JMY: variants seen among roughly 807,000 people sequenced by gnomAD.
JMY encodes the protein junction mediating and regulatory protein, p53 cofactor.
A neutral mutation model predicts 103.3 loss-of-function variants in JMY; 46 were observed. The ratio of observed to expected loss-of-function variants is 0.45; its 90% CI spans 0.35 to 0.57. The LOEUF (loss-of-function observed/expected upper bound fraction) is 0.57. Ranked by LOEUF, JMY falls within the 20% of genes least tolerant of loss-of-function variation. The probability of loss-of-function intolerance (pLI) is 0.00; values close to 1 mark genes in which losing one functional copy is unlikely to be tolerated. For synonymous variants in JMY, 526 were observed against 489.3 expected (o/e 1.07, Z -0.99); for missense variants, 1,238 against 1,255.2 (o/e 0.99, Z 0.21).
intron 1 of JMY, among the ~76,000 whole-genome samples, chr5:79,246,922 C>T (rs1744923098): frequency 6.6e-6 from 1 of 152,048 alleles, no homozygotes. Flanking sequence ...AGAACAGTGC[C>T]TGGCATCTAG....
At chr5:79,291,743 C>T (rs1335168562) in intron 4 of JMY, among the ~76,000 whole-genome samples, 4 of 152,174 alleles carry the variant, frequency 2.6e-5, no homozygotes, top group Non-Finnish European at 5.9e-5. Context: ...CTGGTCTCCC[C>T]CATCTCCCAC....
intron 4 of JMY, among the ~76,000 whole-genome samples, chr5:79,296,986 A>T (rs1746581464): frequency 6.6e-6 from 1 of 152,234 alleles, no homozygotes; most frequent in African/African-American, 2.4e-5. Context: ...GGATGTATGG[A>T]CATGAATTGG....
chr5:79,316,572 G>A (rs986759800), intron 10 of JMY, among the ~76,000 whole-genome samples: 1 of 152,036 alleles, frequency 6.6e-6, no homozygotes, highest in East Asian at 1.9e-4. Context: ...CTATACAGCT[G>A]TAATTGCAAG....
chr5:79,283,332 T>G (rs1272102125), intron 2 of JMY, among the ~76,000 whole-genome samples: 1 of 152,170 alleles, frequency 6.6e-6, no homozygotes, highest in East Asian at 1.9e-4. Flanking sequence ...TAACTAGGTA[T>G]AAAGTAGTTA....
intron 1 of JMY, among the ~76,000 whole-genome samples, chr5:79,270,315 A>G (rs111700877): frequency 0.03 from 4,208 of 142,076 alleles, 206 homozygotes; most frequent in African/African-American, 0.11. Context: ...TATTTAAAAT[A>G]TATATTTACA....
intron 1 of JMY, among the ~76,000 whole-genome samples, chr5:79,256,446 C>T (rs886194599): frequency 6.6e-6 from 1 of 152,110 alleles, no homozygotes; most frequent in Non-Finnish European, 1.5e-5. Context: ...GACCTGATAG[C>T]TAACCTGGTG....
chr5:79,311,845 C>A (rs1414780682), intron 7 of JMY, among the ~76,000 whole-genome samples: 2 of 152,106 alleles, frequency 1.3e-5, no homozygotes, highest in African/African-American at 4.8e-5. Flanking sequence ...GAGACAGAGT[C>A]CCACTCTGTT....
At chr5:79,257,410 G>A (rs555039533) in intron 1 of JMY, among the ~76,000 whole-genome samples, 48 of 152,118 alleles carry the variant, frequency 3.2e-4, no homozygotes, top group Non-Finnish European at 3.7e-4. Context: ...CAAGAGCAGC[G>A]TGGTGAACAT....
Position 79,277,960 on chromosome 5 carries a change from G to C in JMY, c.1083G>C (p.Leu361Phe), listed in dbSNP as rs1745990095. ...AGAGCATGGTGGAGCTTCTGGACTT[G>C]TATCAGATGGAGGATGAAGCCTACA... Reference protein sequence around the residue: ...NTESMVELLDLYQMEDEAYSS... With the variant: ...NTESMVELLDFYQMEDEAYSS... The change falls in exon 2 of 11, where the codon TTG becomes TTC. Residue 361 changes from leucine (L) to phenylalanine (F), a missense_variant. Transcript: ENST00000396137. The C allele has an allele frequency of 1.2e-6, 2 of 1,614,070 alleles. No individual in the cohort carries two copies. Among genetic ancestry groups the C allele is most frequent in the Non-Finnish European group, 1.7e-6 (2 of 1,179,974 alleles).
At chr5:79,272,389 AT>A (rs1745810914) in intron 1 of JMY, among the ~76,000 whole-genome samples, 1 of 151,292 alleles carries the variant, frequency 6.6e-6, no homozygotes, top group Admixed American at 6.6e-5. Context: ...ATTTAGGTCT[AT>A]TTGTTTTCTG....
intron 7 of JMY, 114 bp from the exon 8 acceptor site, chr5:79,312,289 T>C (rs1394502641): frequency 6.0e-6 from 3 of 499,932 alleles, no homozygotes; most frequent in Non-Finnish European, 1.0e-5. Context: ...AAAAAAAATT[T>C]TGTTCAGTGA....
At chr5:79,306,263 G>A (rs896469285) in intron 6 of JMY, 112 bp from the exon 7 acceptor site, 4 of 704,392 alleles carry the variant, frequency 5.7e-6, no homozygotes, top group Admixed American at 4.9e-5. Context: ...GGTGGTCAAT[G>A]TGATACTTTG....
chr5:79,277,486 T>C (rs1351272764), intron 1 of JMY, among the ~76,000 whole-genome samples: 1 of 150,576 alleles, frequency 6.6e-6, no homozygotes, highest in Non-Finnish European at 1.5e-5. Flanking sequence ...ATATATACAA[T>C]AACTAGCCAG....
intron 1 of JMY, among the ~76,000 whole-genome samples, chr5:79,240,398 C>T (rs1007135085): frequency 6.6e-6 from 1 of 151,932 alleles, no homozygotes; most frequent in African/African-American, 2.4e-5. Context: ...GCAACCTCCA[C>T]CTCCCGGGTT....
At position 79,314,363 on chromosome 5, in the gene JMY, T is replaced by C. The variant is rs761256484; in HGVS notation, c.2171T>C (p.Leu724Ser). ...PVLQEDHCDS[L>S]PSVLQVEEKT... The stretch of plus-strand genomic sequence containing the variant: ...CTCCAAGAGGATCATTGTGACTCTT[T>C]ACCAAGTGTGTTACAGGTAGAAGAG... Residue 724 changes from leucine (L) to serine (S), a missense_variant, in exon 9 of 11, where the codon TTA becomes TCA. Physicochemically the swap from Leu to Ser is moderately radical, Grantham distance 145 (BLOSUM62 -2). Transcript: ENST00000396137. The C allele has an allele frequency of 6.2e-7, 1 of 1,614,148 alleles. No homozygotes were observed. Among genetic ancestry groups the C allele is most frequent in the South Asian group, 1.1e-5 (1 of 91,080 alleles).
At chr5:79,295,455 T>C (rs1746539379) in intron 4 of JMY, among the ~76,000 whole-genome samples, 1 of 152,226 alleles carries the variant, frequency 6.6e-6, no homozygotes, top group African/African-American at 2.4e-5. Flanking sequence ...CATGAGTTAA[T>C]GCATATAAAG....
At chr5:79,254,103 C>T (rs1052104232) in intron 1 of JMY, among the ~76,000 whole-genome samples, 4 of 142,480 alleles carry the variant, frequency 2.8e-5, no homozygotes, top group African/African-American at 5.1e-5. Flanking sequence ...CCCACCACCA[C>T]GCCCAGCTAT....
chr5:79,241,954 A>G (rs1258333829), intron 1 of JMY, among the ~76,000 whole-genome samples: 1 of 152,176 alleles, frequency 6.6e-6, no homozygotes, highest in African/African-American at 2.4e-5. Flanking sequence ...CCCATACTGC[A>G]GCTTAGGTTT....
chr5:79,318,347 T>C (rs1184704878), intron 10 of JMY, among the ~76,000 whole-genome samples: 2 of 152,092 alleles, frequency 1.3e-5, no homozygotes, highest in Non-Finnish European at 2.9e-5. Context: ...ATCTAATGTA[T>C]ATGCAAGTAC....
Sources: gnomAD v4.1 joint callset for allele counts (sites outside exome capture counted in the v4.1 genomes callset) on GRCh38, gnomAD v4.1.1 for gene constraint, MANE v1.5 for transcripts, NCBI Gene and HGNC (gene_info 2026-07-23, HGNC 2026-07-21) for gene names.